MAPK10: variants seen among roughly 807,000 people sequenced by gnomAD.
The protein encoded by MAPK10 is mitogen-activated protein kinase 10.
Under a neutral mutation model 59.3 loss-of-function variants are expected in MAPK10, and 25 were observed. The observed-to-expected ratio is 0.42, with a 90% CI of 0.31 to 0.59. MAPK10 has a LOEUF of 0.59. MAPK10 is among the 20% of genes least tolerant of loss of function. The pLI is 0.15. For synonymous variants in MAPK10, 190 were observed against 200.5 expected (o/e 0.95, Z 0.44); for missense variants, 351 against 568.9 (o/e 0.62, Z 3.90).
At chr4:86,154,832 C>T (rs1429189046) in intron 4 of MAPK10, among the ~76,000 whole-genome samples, 1 of 152,034 alleles carries the variant, frequency 6.6e-6, no homozygotes, top group Non-Finnish European at 1.5e-5. Flanking sequence ...AAAGTACTGA[C>T]AATTGAATCT....
chr4:86,181,818 C>T (rs1011805556), intron 3 of MAPK10, among the ~76,000 whole-genome samples: 3 of 151,992 alleles, frequency 2.0e-5, no homozygotes, highest in Admixed American at 2.0e-4. Context: ...CTGTAGACAC[C>T]AGAGAGTGTG....
chr4:86,421,412 C>T (rs1221424456), intron 1 of MAPK10, among the ~76,000 whole-genome samples: 1 of 151,896 alleles, frequency 6.6e-6, no homozygotes, highest in African/African-American at 2.4e-5. Context: ...GCCATATATC[C>T]CTGTTTGTTG....
intron 4 of MAPK10, among the ~76,000 whole-genome samples, chr4:86,150,965 G>A (rs1170212825): frequency 6.6e-6 from 1 of 152,174 alleles, no homozygotes; most frequent in African/African-American, 2.4e-5. Context: ...AGGAGAGAAA[G>A]AGGGGTTGTT....
chr4:86,170,562 A>G (rs2073802453), intron 3 of MAPK10, among the ~76,000 whole-genome samples: 1 of 152,036 alleles, frequency 6.6e-6, no homozygotes, highest in African/African-American at 2.4e-5. Context: ...AGGAGCACCC[A>G]GATTCATAAA....
At chr4:86,088,742 A>T (rs2052476036) in intron 9 of MAPK10, among the ~76,000 whole-genome samples, 1 of 152,192 alleles carries the variant, frequency 6.6e-6, no homozygotes, top group Non-Finnish European at 1.5e-5. Flanking sequence ...CTCTCTGAAT[A>T]TATGTTAAAA....
chr4:86,285,308 C>A (rs1190960821), intron 2 of MAPK10, among the ~76,000 whole-genome samples: 1 of 149,578 alleles, frequency 6.7e-6, no homozygotes, highest in Admixed American at 6.7e-5. Flanking sequence ...ACCTCTGCCT[C>A]CCGGGTTCAA....
intron 3 of MAPK10, among the ~76,000 whole-genome samples, chr4:86,177,084 T>C (rs896070048): frequency 6.6e-6 from 1 of 152,064 alleles, no homozygotes; most frequent in Non-Finnish European, 1.5e-5. Flanking sequence ...ACTAAAATAG[T>C]TTTTTTAAAA....
intron 12 of MAPK10, among the ~76,000 whole-genome samples, chr4:86,030,542 AG>A (rs1388927261): frequency 6.6e-6 from 1 of 151,934 alleles, no homozygotes; most frequent in Non-Finnish European, 1.5e-5. Flanking sequence ...TATGTTGCCC[AG>A]GTTGGTTCTG....
chr4:86,260,125 CCA>C (rs924888881), intron 2 of MAPK10, among the ~76,000 whole-genome samples: 8 of 151,948 alleles, frequency 5.3e-5, no homozygotes, highest in African/African-American at 1.9e-4. Context: ...ATCATTTTCC[CCA>C]GTTTCCAGAT....
At chr4:86,511,963 A>G (rs1756308636) in intron 1 of MAPK10, among the ~76,000 whole-genome samples, 1 of 152,052 alleles carries the variant, frequency 6.6e-6, no homozygotes. Context: ...AAAGTTGATT[A>G]ATTAATTTTT....
At chr4:86,223,393 G>T (rs925368411) in intron 2 of MAPK10, among the ~76,000 whole-genome samples, 2 of 152,176 alleles carry the variant, frequency 1.3e-5, no homozygotes, top group African/African-American at 2.4e-5. Context: ...GATGAGTCCT[G>T]TGAACATTGT....
intron 4 of MAPK10, among the ~76,000 whole-genome samples, chr4:86,154,175 GA>G (rs1428112389): frequency 6.6e-6 from 1 of 152,030 alleles, no homozygotes; most frequent in Non-Finnish European, 1.5e-5. Flanking sequence ...TGATGCTTTG[GA>G]AAACCTCTGG....
chr4:86,379,033 G>A (rs773254983), intron 1 of MAPK10, among the ~76,000 whole-genome samples: 3 of 152,192 alleles, frequency 2.0e-5, no homozygotes, highest in Non-Finnish European at 4.4e-5. Flanking sequence ...GGAAATGTAG[G>A]TAAGTATGGT....
chr4:86,207,598 C>A (rs536734472), intron 2 of MAPK10, among the ~76,000 whole-genome samples: 1 of 152,054 alleles, frequency 6.6e-6, no homozygotes, highest in East Asian at 1.9e-4. Flanking sequence ...TCATTGGTAG[C>A]TTGATGGGGA....
At chr4:86,217,568 T>C (rs919381237) in intron 2 of MAPK10, among the ~76,000 whole-genome samples, 1 of 152,142 alleles carries the variant, frequency 6.6e-6, no homozygotes. Context: ...CTATATACCA[T>C]CACCACAGCC....
intron 9 of MAPK10, among the ~76,000 whole-genome samples, chr4:86,078,614 C>T (rs1269045603): frequency 2.0e-5 from 3 of 152,008 alleles, no homozygotes; most frequent in Non-Finnish European, 1.5e-5. Context: ...TACACACACA[C>T]ACACACACAC....
chr4:86,036,328 C>T (rs2040289376), intron 11 of MAPK10, among the ~76,000 whole-genome samples: 1 of 151,798 alleles, frequency 6.6e-6, no homozygotes, highest in Admixed American at 6.6e-5. Flanking sequence ...AAAAGATCCT[C>T]AACACCAATA....
chr4:86,092,654 G>T (rs1241449981), intron 9 of MAPK10, among the ~76,000 whole-genome samples: 2 of 151,656 alleles, frequency 1.3e-5, no homozygotes, highest in South Asian at 4.2e-4. Flanking sequence ...ATGAAGTTAA[G>T]AATAGATTAT....
intron 2 of MAPK10, among the ~76,000 whole-genome samples, chr4:86,195,894 T>C (rs991598261): frequency 2.0e-5 from 3 of 152,242 alleles, no homozygotes; most frequent in African/African-American, 7.2e-5. Flanking sequence ...GCAAAGGACA[T>C]GAACTCATCC....
Sources: gnomAD v4.1 joint callset for allele counts (sites outside exome capture counted in the v4.1 genomes callset) on GRCh38, gnomAD v4.1.1 for gene constraint, MANE v1.5 for transcripts, NCBI Gene and HGNC (gene_info 2026-07-23, HGNC 2026-07-21) for gene names.